ESRRG: variants seen among roughly 807,000 people sequenced by gnomAD.
ESRRG encodes the protein estrogen related receptor gamma, also known as estrogen-related receptor gamma.
ESRRG carries 13 observed loss-of-function variants against 44.0 expected under a neutral mutation model. The ratio of observed to expected loss-of-function variants is 0.30; its 90% CI spans 0.19 to 0.47. The LOEUF is 0.47. Among genes scored for constraint, ESRRG ranks in the 20% least tolerant of loss-of-function variants. The pLI is 1.00. For missense variants in ESRRG, 395 were observed against 580.6 expected (o/e 0.68, Z 3.29); for synonymous variants, 215 against 214.6 (o/e 1.00, Z -0.02).
At chr1:216,767,268 AAC>A (rs533093606) in intron 2 of ESRRG, among the ~76,000 whole-genome samples, 2 of 151,912 alleles carry the variant, frequency 1.3e-5, no homozygotes, top group East Asian at 1.9e-4. Context: ...AAGGACAAAA[AAC>A]ACACACACAC....
intron 2 of ESRRG, among the ~76,000 whole-genome samples, chr1:216,856,951 AT>A (rs2095953584): frequency 6.6e-6 from 1 of 152,168 alleles, no homozygotes; most frequent in African/African-American, 2.4e-5. Flanking sequence ...CCGACACCTT[AT>A]TAAGGCCCAC....
chr1:216,769,618 CAGTT>C (rs1334597969), intron 2 of ESRRG, among the ~76,000 whole-genome samples: 4 of 151,936 alleles, frequency 2.6e-5, no homozygotes, highest in African/African-American at 7.2e-5. Context: ...AGTCAAGAAA[CAGTT>C]ATAAGTTTAC....
At chr1:216,925,711 G>A (rs2062460691) in intron 2 of ESRRG, among the ~76,000 whole-genome samples, 1 of 151,958 alleles carries the variant, frequency 6.6e-6, no homozygotes, top group Non-Finnish European at 1.5e-5. Flanking sequence ...AGCACTTTGG[G>A]AGGCCGAGGA....
At chr1:216,887,467 C>T (rs2057177193) in intron 2 of ESRRG, among the ~76,000 whole-genome samples, 2 of 152,272 alleles carry the variant, frequency 1.3e-5, no homozygotes, top group Non-Finnish European at 2.9e-5. Context: ...GGAAAATTTA[C>T]TCTTGGTTGT....
intron 3 of ESRRG, among the ~76,000 whole-genome samples, chr1:216,597,693 T>C (rs995529402): frequency 6.6e-6 from 1 of 152,182 alleles, no homozygotes; most frequent in Non-Finnish European, 1.5e-5. Flanking sequence ...TTTGGAAATG[T>C]GGATTACTGA....
At chr1:217,009,484 A>T (rs1175892354) in intron 1 of ESRRG, among the ~76,000 whole-genome samples, 2 of 152,178 alleles carry the variant, frequency 1.3e-5, no homozygotes, top group Admixed American at 1.3e-4. Flanking sequence ...GTAAACAATC[A>T]TAAACAATTA....
At chr1:216,800,855 C>G (rs1463523334) in intron 2 of ESRRG, among the ~76,000 whole-genome samples, 3 of 152,136 alleles carry the variant, frequency 2.0e-5, no homozygotes, top group East Asian at 1.9e-4. Context: ...AAGAAACATG[C>G]ATTCCGACCT....
At chr1:216,741,476 A>G (rs796921348) in intron 2 of ESRRG, among the ~76,000 whole-genome samples, 5 of 136,312 alleles carry the variant, frequency 3.7e-5, no homozygotes, top group African/African-American at 1.4e-4. Context: ...ACACACACAC[A>G]CATATACCTC....
intron 2 of ESRRG, among the ~76,000 whole-genome samples, chr1:216,874,590 C>G (rs2096316867): frequency 6.6e-6 from 1 of 152,284 alleles, no homozygotes; most frequent in African/African-American, 2.4e-5. Context: ...TAACCATTCT[C>G]TTGTATCCCT....
At chr1:216,695,457 G>A (rs2079954829) in intron 1 of ESRRG, among the ~76,000 whole-genome samples, 1 of 152,086 alleles carries the variant, frequency 6.6e-6, no homozygotes, top group South Asian at 2.1e-4. Context: ...AGGATTTTAT[G>A]ATTTCATACA....
intron 2 of ESRRG, among the ~76,000 whole-genome samples, chr1:216,888,995 C>T (rs1045578100): frequency 6.6e-6 from 1 of 152,108 alleles, no homozygotes; most frequent in African/African-American, 2.4e-5. Context: ...TCCTTGCATC[C>T]CAATCCTCAG....
At chr1:216,885,915 C>G (rs930319461) in intron 2 of ESRRG, among the ~76,000 whole-genome samples, 1 of 152,042 alleles carries the variant, frequency 6.6e-6, no homozygotes, top group Non-Finnish European at 1.5e-5. Flanking sequence ...AGGCCAAACT[C>G]ATGCCTCATT....
At chr1:216,543,879 G>GA (rs1328323317) in intron 5 of ESRRG, among the ~76,000 whole-genome samples, 3 of 151,934 alleles carry the variant, frequency 2.0e-5, no homozygotes, top group Admixed American at 6.6e-5. Flanking sequence ...CAATAATGCT[G>GA]AAAATGCAAA....
intron 3 of ESRRG, among the ~76,000 whole-genome samples, chr1:216,606,428 C>A (rs769646704): frequency 1.2e-4 from 18 of 152,192 alleles, no homozygotes; most frequent in Non-Finnish European, 1.3e-4. Context: ...TACTCATAGT[C>A]ACACTTTATC....
At chr1:217,095,321 T>C (rs893305758) in intron 1 of ESRRG, among the ~76,000 whole-genome samples, 14 of 152,164 alleles carry the variant, frequency 9.2e-5, no homozygotes, top group African/African-American at 3.4e-4. Context: ...TTAACTGACA[T>C]GGGAAAATGA....
At chr1:216,657,547 C>A (rs1426702285) in intron 2 of ESRRG, among the ~76,000 whole-genome samples, 1 of 152,016 alleles carries the variant, frequency 6.6e-6, no homozygotes, top group Admixed American at 6.6e-5. Flanking sequence ...TTAAGTCTAC[C>A]CTTAAAGGTC....
At chr1:217,083,581 T>A (rs1032873616) in intron 1 of ESRRG, among the ~76,000 whole-genome samples, 2 of 152,188 alleles carry the variant, frequency 1.3e-5, no homozygotes, top group African/African-American at 4.8e-5. Flanking sequence ...CAAACCCAGC[T>A]TAGCACCATT....
intron 1 of ESRRG, among the ~76,000 whole-genome samples, chr1:217,031,421 C>T (rs1470371977): frequency 6.6e-6 from 1 of 152,242 alleles, no homozygotes; most frequent in African/African-American, 2.4e-5. Flanking sequence ...AGAGTCCACA[C>T]TCAATGCTTA....
chr1:216,762,590 G>A (rs948555660), intron 2 of ESRRG, among the ~76,000 whole-genome samples: 1 of 151,546 alleles, frequency 6.6e-6, no homozygotes, highest in African/African-American at 2.4e-5. Context: ...AGCATTGGGA[G>A]ATATACCTAA....
Sources: allele counts gnomAD v4.1 joint callset (sites outside exome capture counted in the v4.1 genomes callset), GRCh38; gene constraint gnomAD v4.1.1; transcripts MANE v1.5; gene names NCBI Gene and HGNC (gene_info 2026-07-23, HGNC 2026-07-21).